The following HAT1 variants were observed in gnomAD, a reference collection of about 807,000 sequenced individuals.
The protein encoded by HAT1 is histone acetyltransferase type B catalytic subunit.
In HAT1, 20 loss-of-function variants were observed where a neutral mutation model predicts 56.6. That is an observed-to-expected ratio of 0.35 (90% confidence interval 0.25 to 0.51). The LOEUF (loss-of-function observed/expected upper bound fraction) is 0.51. HAT1 is among the 20% of genes least tolerant of loss of function. The pLI, the probability that HAT1 is intolerant of heterozygous loss-of-function variation, is 0.95. For synonymous variants in HAT1, 146 were observed against 165.5 expected, an observed-to-expected ratio of 0.88 and a Z score of 0.91; for missense variants, 408 against 504.3, an observed-to-expected ratio of 0.81 and a Z score of 1.83.
At chr2:171,945,195 A>C (rs904610998) in intron 2 of HAT1, among the ~76,000 whole-genome samples, 10 of 151,820 alleles carry the variant, frequency 6.6e-5, no homozygotes, top group Non-Finnish European at 1.3e-4. Flanking sequence ...TACATTCTTC[A>C]ATTGCTTAAG....
At chr2:171,929,073 A>G (rs1239293263) in intron 2 of HAT1, among the ~76,000 whole-genome samples, 1 of 152,202 alleles carries the variant, frequency 6.6e-6, no homozygotes, top group Non-Finnish European at 1.5e-5. Context: ...AATTTTCGTT[A>G]TTCCATATCC....
chr2:171,974,881 T>G (rs1466145320), intron 8 of HAT1, among the ~76,000 whole-genome samples: 1 of 152,220 alleles, frequency 6.6e-6, no homozygotes, highest in East Asian at 1.9e-4. Flanking sequence ...TGATTTTTTT[T>G]GGATGTTAAA....
chr2:171,961,284 G>A (rs759870173), intron 4 of HAT1, among the ~76,000 whole-genome samples: 7 of 152,146 alleles, frequency 4.6e-5, no homozygotes, highest in Non-Finnish European at 1.0e-4. Flanking sequence ...CAGCCTAGGT[G>A]ACAGAGCAAG....
intron 8 of HAT1, among the ~76,000 whole-genome samples, chr2:171,974,255 T>C (rs1687907339): frequency 6.6e-6 from 1 of 151,454 alleles, no homozygotes; most frequent in African/African-American, 2.4e-5. Flanking sequence ...TTTTAAAACT[T>C]TTCTCAACAA....
intron 2 of HAT1, among the ~76,000 whole-genome samples, chr2:171,935,751 T>C (rs1297464583): frequency 6.6e-6 from 1 of 151,650 alleles, no homozygotes; most frequent in Middle Eastern, 3.2e-3. Context: ...AGGTGCGTGC[T>C]TGTGGTCCCA....
chr2:171,981,205 G>C (rs1021097926), intron 10 of HAT1, among the ~76,000 whole-genome samples: 1 of 152,004 alleles, frequency 6.6e-6, no homozygotes, highest in African/African-American at 2.4e-5. Context: ...TTGCAGCTGA[G>C]TAGTGGGATG....
In HAT1 at chr2:171,965,335, T is replaced by C. The variant is rs772259024; in HGVS notation, c.310-3T>C. ...TTAATTTTTTATATCCTTTATTCTT[T>C]AGGCAGATGATGTTGAGGGCAAAAT... On this transcript the variant is annotated splice_polypyrimidine_tract_variant and splice_region_variant and intron_variant, in intron 4 of 10. Transcript: ENST00000264108. 10 of 1,560,734 alleles carry C rather than the reference T, an allele frequency of 6.4e-6. No individual in the cohort carries two copies. Among genetic ancestry groups the C allele is most frequent in the Non-Finnish European group, 7.9e-6 (9 of 1,136,220 alleles).
At chr2:171,955,001 A>G (rs1323944134) in intron 4 of HAT1, among the ~76,000 whole-genome samples, 2 of 152,186 alleles carry the variant, frequency 1.3e-5, no homozygotes, top group Non-Finnish European at 2.9e-5. Flanking sequence ...GGAAGAAGAA[A>G]GGAACAGATT....
At chr2:171,941,620 C>T (rs1017592185) in intron 2 of HAT1, among the ~76,000 whole-genome samples, 28 of 152,314 alleles carry the variant, frequency 1.8e-4, no homozygotes, top group African/African-American at 4.8e-4. Flanking sequence ...CTTGCATGAG[C>T]AGTTCTCAGT....
chr2:171,933,689 TC>T (rs1434977481), intron 2 of HAT1, among the ~76,000 whole-genome samples: 1 of 152,230 alleles, frequency 6.6e-6, no homozygotes, highest in Non-Finnish European at 1.5e-5. Context: ...TTACTTAATT[TC>T]CAAATATTTG....
intron 2 of HAT1, among the ~76,000 whole-genome samples, chr2:171,930,228 A>AGTAGC (rs1686704927): frequency 6.6e-6 from 1 of 152,162 alleles, no homozygotes; most frequent in Non-Finnish European, 1.5e-5. Flanking sequence ...GATGGAGTGC[A>AGTAGC]GTAGCGTGAT....
chr2:171,939,173 T>C (rs1175060571), intron 2 of HAT1, among the ~76,000 whole-genome samples: 2 of 152,160 alleles, frequency 1.3e-5, no homozygotes. Context: ...TCAGGGTTCT[T>C]TTGTGGTTGG....
chr2:171,924,529 T>G (rs956350307), intron 1 of HAT1: 1 of 152,154 alleles, frequency 6.6e-6, no homozygotes, highest in Non-Finnish European at 1.5e-5. Flanking sequence ...TGTCAGGAGA[T>G]TTGTTATCTT....
At chr2:171,976,134 A>C in intron 8 of HAT1, 23 bp from the exon 9 acceptor site, 1 of 1,335,344 alleles carries the variant, frequency 7.5e-7, no homozygotes, top group Non-Finnish European at 9.8e-7. Flanking sequence ...AAATGTTAAT[A>C]TTATTCTGCT....
At chr2:171,922,535 G>A in intron 1 of HAT1, 28 bp downstream of exon 1, 1 of 1,315,304 alleles carries the variant, frequency 7.6e-7, no homozygotes, top group East Asian at 2.8e-5. Context: ...GTTTACCAAG[G>A]GGAGGAGGCG....
chr2:171,971,182 A>G (rs774394260), intron 8 of HAT1, among the ~76,000 whole-genome samples: 2 of 152,188 alleles, frequency 1.3e-5, no homozygotes, highest in Non-Finnish European at 1.5e-5. Context: ...CGGGTGACAG[A>G]GCGAGACTCC....
chr2:171,979,287 T>C lies in HAT1; in HGVS notation c.1016T>C (p.Val339Ala). 1 of 1,600,256 alleles carries C rather than the reference T, an allele frequency of 6.2e-7. No individual in the cohort carries two copies. The highest frequency in any genetic ancestry group is 1.1e-5 in the South Asian group (1 of 88,744). The change falls in exon 10 of 11, where the codon GTA becomes GCA. Residue 339 changes from valine to alanine, a missense_variant. By Grantham distance (64) the Val-to-Ala change is moderately conservative (BLOSUM62 0). Coordinates refer to ENST00000264108, the MANE Select transcript of HAT1 (RefSeq NM_003642.4). The part of the protein sequence containing the change: ...RRVYEILRLL[V>A]TDMSDAEQYR... ...GTTTATGAAATTCTTCGACTACTGG[T>C]AACTGACATGAGTGATGCCGAACAA...
Position 171,983,624 on chromosome 2 carries a change from T to C in HAT1, c.*272T>C, listed in dbSNP as rs1688189338. 4.0e-6 allele frequency: 1 copy of C among 252,492 alleles called. No individual in the cohort carries two copies. Among genetic ancestry groups the C allele is most frequent in the Non-Finnish European group, 7.5e-6 (1 of 133,808 alleles). 15.6% of individuals were successfully genotyped at this position (252,492 alleles called of 1,614,324 possible). On this transcript the variant is annotated 3_prime_UTR_variant, in exon 11 of 11. Coordinates refer to ENST00000264108, the MANE Select transcript of HAT1 (RefSeq NM_003642.4). ...CAGTATAATAAATGCTTAGTTGTGA[T>C]ATGTTAATGTGTGATGATATGATTC...
intron 2 of HAT1, among the ~76,000 whole-genome samples, chr2:171,939,753 G>T (rs1054895338): frequency 1.3e-5 from 2 of 151,694 alleles, no homozygotes; most frequent in Non-Finnish European, 2.9e-5. Context: ...CTCAATGGAT[G>T]AAATAGTGCG....
Sources: gnomAD v4.1 joint callset for allele counts (sites outside exome capture counted in the v4.1 genomes callset) on GRCh38, gnomAD v4.1.1 for gene constraint, MANE v1.5 for transcripts, NCBI Gene and HGNC (gene_info 2026-07-23, HGNC 2026-07-21) for gene names.